The following EMP2 variants were observed in gnomAD, a reference collection of about 807,000 sequenced individuals.
EMP2 encodes epithelial membrane protein 2.
In EMP2, 19 loss-of-function variants were observed where a neutral mutation model predicts 13.7. The observed-to-expected ratio is 1.38, with a 90% CI of 0.97 to 2.03. EMP2 has a LOEUF of 2.03. Among genes scored for constraint, EMP2 ranks in the 30% most tolerant of loss-of-function variants. The probability of loss-of-function intolerance (pLI) is 0.00; values close to 1 mark genes in which losing one functional copy is unlikely to be tolerated. For missense variants in EMP2, 253 were observed against 220.7 expected, an observed-to-expected ratio of 1.15 and a Z score of -0.93; for synonymous variants, 97 against 84.7, an observed-to-expected ratio of 1.15 and a Z score of -0.80.
At chr16:10,575,966 G>A (rs776359988) in intron 1 of EMP2, among the ~76,000 whole-genome samples, 1 of 152,044 alleles carries the variant, frequency 6.6e-6, no homozygotes, top group Admixed American at 6.6e-5. Context: ...AGTGTGACAC[G>A]TCCATCCCAG....
intron 1 of EMP2, among the ~76,000 whole-genome samples, chr16:10,553,092 T>C (rs1165899074): frequency 2.0e-5 from 3 of 152,232 alleles, no homozygotes; most frequent in East Asian, 1.9e-4. Context: ...ACATTGCTGG[T>C]GACTTCACCC....
chr16:10,557,621 ACTCAGTGAGGTGGAT>A (rs2050840958), intron 1 of EMP2, among the ~76,000 whole-genome samples: 2 of 152,052 alleles, frequency 1.3e-5, no homozygotes, highest in East Asian at 3.9e-4. Context: ...GTATCCAGAA[ACTCAGTGAGGTGGAT>A]CTCACTGTGT....
chr16:10,551,096 C>T (rs750798796), intron 1 of EMP2, among the ~76,000 whole-genome samples: 23 of 152,082 alleles, frequency 1.5e-4, no homozygotes, highest in Admixed American at 3.9e-4. Flanking sequence ...AGTTCTAGAA[C>T]GTTTCATCAC....
intron 1 of EMP2, among the ~76,000 whole-genome samples, chr16:10,574,041 G>A (rs893647980): frequency 3.4e-5 from 5 of 147,050 alleles, no homozygotes; most frequent in African/African-American, 1.0e-4. Flanking sequence ...GGGTTCAAGC[G>A]ATTCTTGTGC....
intron 1 of EMP2, among the ~76,000 whole-genome samples, chr16:10,554,717 C>T (rs1596376373): frequency 6.6e-6 from 1 of 152,304 alleles, no homozygotes; most frequent in East Asian, 1.9e-4. Flanking sequence ...GCCCTTGTGC[C>T]TGCAGGCTTC....
At chr16:10,554,800 C>T (rs886308389) in intron 1 of EMP2, among the ~76,000 whole-genome samples, 26 of 152,068 alleles carry the variant, frequency 1.7e-4, no homozygotes, top group African/African-American at 6.0e-4. Flanking sequence ...GCGGTCTCTC[C>T]GTTTCACCCT....
intron 1 of EMP2, among the ~76,000 whole-genome samples, chr16:10,579,546 G>C (rs1339854861): frequency 6.6e-6 from 1 of 151,898 alleles, no homozygotes; most frequent in Non-Finnish European, 1.5e-5. Flanking sequence ...CGGTTCCCAG[G>C]TACCCCCAGG....
At chr16:10,578,772 C>T (rs1278448964) in intron 1 of EMP2, among the ~76,000 whole-genome samples, 1 of 152,250 alleles carries the variant, frequency 6.6e-6, no homozygotes, top group East Asian at 1.9e-4. Context: ...CCCTGGCTCC[C>T]CATGGGATGG....
At chr16:10,538,142 A>G (rs549504115) in intron 3 of EMP2, 68 bp from the exon 4 acceptor site, 861 of 1,572,076 alleles carry the variant, frequency 5.5e-4, no homozygotes, top group Non-Finnish European at 7.2e-4. Flanking sequence ...GTACACAGCG[A>G]CCGCAGCAGC....
At chr16:10,562,594 T>C (rs866305533) in intron 1 of EMP2, among the ~76,000 whole-genome samples, 3 of 152,230 alleles carry the variant, frequency 2.0e-5, no homozygotes, top group Admixed American at 1.3e-4. Flanking sequence ...CCAGCTGAGC[T>C]CAGCCCAAAT....
At chr16:10,568,345 A>G (rs2050923213) in intron 1 of EMP2, among the ~76,000 whole-genome samples, 1 of 152,184 alleles carries the variant, frequency 6.6e-6, no homozygotes, top group Admixed American at 6.5e-5. Context: ...CATATACACC[A>G]ATATATGTAT....
rs2050572360 is a variant in EMP2 at position 10,528,441 on chromosome 16, T to C, written c.*4464A>G. 6.6e-6 allele frequency: 1 copy of C among 152,192 alleles called. No homozygotes were observed. Among genetic ancestry groups the C allele is most frequent in the Non-Finnish European group, 1.5e-5 (1 of 68,034 alleles). 9.4% of individuals were successfully genotyped at this position (152,192 alleles called of 1,614,324 possible). ...AGATTGTCCAGTGATAAATTGTCCATTTATCAGTTGCTTAGTGTAAAAACC... is the reference window on the plus strand; with the variant it reads ...AGATTGTCCAGTGATAAATTGTCCACTTATCAGTTGCTTAGTGTAAAAACC... On this transcript the variant is annotated 3_prime_UTR_variant, in exon 5 of 5. Coordinates refer to ENST00000359543, the MANE Select transcript of EMP2 (RefSeq NM_001424.6).
At chr16:10,575,237 CTTTTTTTTTTTTTTTTTTT>C (rs761837614) in intron 1 of EMP2, among the ~76,000 whole-genome samples, 8 of 52,498 alleles carry the variant, frequency 1.5e-4, no homozygotes, top group South Asian at 7.1e-4. Context: ...AGCTTGCATT[CTTTTTTTTTTTTTTTTTTT>C]TTTTTTTTTT....
intron 1 of EMP2, among the ~76,000 whole-genome samples, chr16:10,555,670 C>A (rs948894574): frequency 3.3e-5 from 5 of 152,076 alleles, no homozygotes; most frequent in Admixed American, 2.6e-4. Flanking sequence ...TCACCACAAC[C>A]TCTGCCTCCT....
chr16:10,553,624 G>A (rs1021260730), intron 1 of EMP2, among the ~76,000 whole-genome samples: 2 of 152,176 alleles, frequency 1.3e-5, no homozygotes, highest in East Asian at 3.9e-4. Context: ...AGTCTAAGCC[G>A]CATCCTCCAA....
chr16:10,540,133 G>A (rs961313561), intron 3 of EMP2, among the ~76,000 whole-genome samples: 11 of 152,196 alleles, frequency 7.2e-5, no homozygotes, highest in African/African-American at 2.7e-4. Context: ...CCCCTGAGAT[G>A]GGTGTATGTG....
chr16:10,563,302 C>T lies in EMP2; in HGVS notation c.-60-15625G>A, dbSNP rs563262446. ...TGTCTCCTGCATTCAAGTGATTCTC[C>T]TGCCTCAGTCTCCCAAGTAGCTGGA... On this transcript the variant is annotated intron_variant, in intron 1 of 4. Coordinates refer to ENST00000359543, the MANE Select transcript of EMP2 (RefSeq NM_001424.6). Among the ~76,000 whole-genome samples the T allele has an allele frequency of 4.6e-5, 7 of 152,284 alleles. No homozygotes were observed. In the South Asian group the frequency reaches 1.0e-3, roughly 23 times the overall value.
intron 1 of EMP2, among the ~76,000 whole-genome samples, chr16:10,562,802 A>G (rs2050882030): frequency 6.6e-6 from 1 of 152,142 alleles, no homozygotes; most frequent in Non-Finnish European, 1.5e-5. Flanking sequence ...TACTTGTTAA[A>G]TGTTTGCTAG....
intron 3 of EMP2, among the ~76,000 whole-genome samples, chr16:10,539,453 C>A (rs2050677360): frequency 6.6e-6 from 1 of 152,134 alleles, no homozygotes; most frequent in Admixed American, 6.6e-5. Context: ...CCCACTATGA[C>A]ACACACCACA....
Sources: gnomAD v4.1 joint callset for allele counts (sites outside exome capture counted in the v4.1 genomes callset) on GRCh38, gnomAD v4.1.1 for gene constraint, MANE v1.5 for transcripts, NCBI Gene and HGNC (gene_info 2026-07-23, HGNC 2026-07-21) for gene names.